PRKCD: variants seen among roughly 807,000 people sequenced by gnomAD.
The protein encoded by PRKCD is protein kinase C delta type.
PRKCD carries 20 observed loss-of-function variants against 82.2 expected under a neutral mutation model. The observed-to-expected ratio is 0.24, with a 90% CI of 0.17 to 0.35. The LOEUF is 0.35. PRKCD is among the 10% of genes least tolerant of loss of function. The probability of loss-of-function intolerance (pLI) is 1.00; values close to 1 mark genes in which losing one functional copy is unlikely to be tolerated. For missense variants in PRKCD, 607 were observed against 899.0 expected (o/e 0.68, Z 4.15); for synonymous variants, 317 against 337.0 (o/e 0.94, Z 0.65).
At chr3:53,171,070 G>A (rs782751262) in intron 2 of PRKCD, among the ~76,000 whole-genome samples, 32 of 152,250 alleles carry the variant, frequency 2.1e-4, no homozygotes, top group Admixed American at 1.2e-3. Flanking sequence ...TTGGGTTGGC[G>A]AGTGTGCCTG....
Position 53,192,232 on chromosome 3 carries a change from T to C in PRKCD, c.1997T>C (p.Val666Ala). The change falls in exon 19 of 19, where the codon GTG becomes GCG. Residue 666 changes from valine (V) to alanine (A), a missense_variant. This residue lies in a region of PRKCD where 251 missense variants were observed against 423.9 expected (regional missense o/e 0.59). Transcript: ENST00000330452. ...TCTGCATTCGCTGGCTTCTCCTTTGTGAACCCCAAATTCGAGCACCTCCTG... is the reference window on the plus strand; with the variant it reads ...TCTGCATTCGCTGGCTTCTCCTTTGCGAACCCCAAATTCGAGCACCTCCTG... ...DQSAFAGFSF[V>A]NPKFEHLLED is the part of the protein sequence containing the mutation. The C allele has an allele frequency of 6.2e-7, 1 of 1,614,202 alleles. No homozygotes were observed. The highest frequency in any genetic ancestry group is 2.2e-5 in the East Asian group (1 of 44,884).
Position 53,184,857 on chromosome 3 carries a change from C to A in PRKCD, c.788-17C>A. Reference sequence around the variant, plus strand: ...CTGAGCTCTGAGACTGACAGCCCCGCTTCTCCCTCACCCCAGACTGCGGCA... The same window carrying A: ...CTGAGCTCTGAGACTGACAGCCCCGATTCTCCCTCACCCCAGACTGCGGCA... On this transcript the variant is annotated splice_polypyrimidine_tract_variant and intron_variant, in intron 9 of 18. Coordinates refer to ENST00000330452, the MANE Select transcript of PRKCD (RefSeq NM_006254.4). 6.2e-7 allele frequency: 1 copy of A among 1,612,214 alleles called. No homozygotes were observed. The highest frequency in any genetic ancestry group is 1.3e-5 in the African/African-American group (1 of 75,022).
rs1553668820 is a variant in PRKCD, at chr3:53,185,636, A to G, written c.921A>G (p.Ser307=). The G allele has an allele frequency of 6.2e-7, 1 of 1,613,462 alleles. No homozygotes were observed. The highest frequency in any genetic ancestry group is 1.7e-5 in the Admixed American group (1 of 60,026). The change falls in exon 11 of 19, where the codon TCA becomes TCG. Residue 307 remains serine (S), a synonymous_variant. Transcript: ENST00000330452. ...RASRRSDSAS[S]EPVGIYQGFE... is the part of the protein sequence containing the mutation. Reference sequence around the variant, plus strand: ...CCCGGAGATCAGACTCAGCCTCCTCAGAGCCTGTTGGGATATATCAGGGTT... The same window carrying G: ...CCCGGAGATCAGACTCAGCCTCCTCGGAGCCTGTTGGGATATATCAGGGTT...
rs148077546 is a variant in PRKCD, at chr3:53,166,786, G to C, written c.-20+1571G>C. On this transcript the variant is annotated intron_variant, in intron 2 of 18. Coordinates refer to ENST00000330452, the MANE Select transcript of PRKCD (RefSeq NM_006254.4). ...TAAGGGGGGCTGGGCCACCCTGGTA[G>C]GTGGGCTCTGCCCATGCATTCAGCA... Among the ~76,000 whole-genome samples, 116 of 152,382 alleles carry C rather than the reference G, an allele frequency of 7.6e-4. No individual in the cohort carries two copies. The East Asian group carries it at 0.018, about 23-fold the overall frequency.
chr3:53,189,735 C>T, intron 17 of PRKCD, 138 bp from the exon 18 acceptor site: 1 of 1,229,278 alleles, frequency 8.1e-7, no homozygotes, highest in Non-Finnish European at 1.2e-6. Context: ...AGAGTGGCCT[C>T]CCTCAGCCCC....
chr3:53,172,466 G>T (rs997740976), intron 2 of PRKCD, among the ~76,000 whole-genome samples: 1 of 152,180 alleles, frequency 6.6e-6, no homozygotes. Context: ...CTGGGCCTTG[G>T]TCTCCTCCGC....
rs782799901 is a variant in PRKCD, at chr3:53,181,611, G to C, written c.539+5G>C. On this transcript the variant is annotated splice_donor_5th_base_variant and intron_variant, in intron 6 of 18. Coordinates refer to ENST00000330452, the MANE Select transcript of PRKCD (RefSeq NM_006254.4). ...TGTGTGCAAAGACTTTGTCTGGTGA[G>C]AACCGGCCATGCCCACTGGTGGTGG... 8 of 1,614,218 alleles carry C rather than the reference G, an allele frequency of 5.0e-6. No individual in the cohort carries two copies. The highest frequency in any genetic ancestry group is 6.8e-6 in the Non-Finnish European group (8 of 1,180,038).
chr3:53,180,787 G>A (rs1194813452), intron 4 of PRKCD, among the ~76,000 whole-genome samples: 6 of 152,170 alleles, frequency 3.9e-5, no homozygotes, highest in Non-Finnish European at 7.4e-5. Flanking sequence ...AGGAGCCCTC[G>A]GCACAGAGGG....
At chr3:53,167,746 G>C (rs544556191) in intron 2 of PRKCD, among the ~76,000 whole-genome samples, 1 of 152,260 alleles carries the variant, frequency 6.6e-6, no homozygotes. Flanking sequence ...TGATGAGGGG[G>C]TATTATTATC....
In PRKCD at chr3:53,187,486, C is replaced by T. The variant is rs111944697; in HGVS notation, c.1415+84C>T. 3.7e-4 allele frequency: 542 copies of T among 1,456,682 alleles called. 1 individual carries two copies. In the African/African-American group the frequency reaches 5.6e-3, roughly 15 times the overall value. The allele number at this position is 1,456,682 out of a possible 1,614,324, so 90.2% of individuals were successfully genotyped here. On this transcript the variant is annotated intron_variant, in intron 15 of 18. Transcript: ENST00000330452. The stretch of plus-strand genomic sequence containing the variant: ...TTCTGAAATGCTCCAAGCAGGATCC[C>T]CCCAACTCCAGTTCCTTCTCTGCTG...
intron 18 of PRKCD, 27 bp downstream of exon 18, chr3:53,190,028 T>A (rs1553670513): frequency 6.2e-7 from 1 of 1,613,324 alleles, no homozygotes; most frequent in South Asian, 1.1e-5. Flanking sequence ...TGTGCTGCCT[T>A]CAGGCTGAGC....
At chr3:53,179,539 G>A (rs576311519) in intron 3 of PRKCD, 38 bp from the exon 4 acceptor site, 124 of 1,613,276 alleles carry the variant, frequency 7.7e-5, no homozygotes, top group Middle Eastern at 1.6e-4. Flanking sequence ...GGGACAGAGG[G>A]GCCATGGCCC....
intron 15 of PRKCD, among the ~76,000 whole-genome samples, chr3:53,187,868 C>T (rs1703766783): frequency 6.6e-6 from 1 of 152,048 alleles, no homozygotes; most frequent in African/African-American, 2.4e-5. Context: ...AAGTGTATAT[C>T]GAATATTAGC....
chr3:53,186,354 C>CTGCCGTCACCACCCCA lies in PRKCD; in HGVS notation c.1260+19_1260+34dup, dbSNP rs782709925. ...TTCCAGACCAAGGTGCCCGGGCCTC[C>CTGCCGTCACCACCCCA]TGCCGTCACCACCCCATGCCACAGC... On this transcript the variant is annotated intron_variant, in intron 13 of 18. Coordinates refer to ENST00000330452, the MANE Select transcript of PRKCD (RefSeq NM_006254.4). The CTGCCGTCACCACCCCA allele has an allele frequency of 6.2e-6, 10 of 1,613,624 alleles. No individual in the cohort carries two copies. The highest frequency in any genetic ancestry group is 1.3e-5 in the African/African-American group (1 of 74,906).
At chr3:53,178,746 G>A (rs188059704) in intron 3 of PRKCD, among the ~76,000 whole-genome samples, 213 of 152,368 alleles carry the variant, frequency 1.4e-3, no homozygotes, top group Middle Eastern at 3.4e-3. Context: ...TCCTTGGAAG[G>A]CTTGGAGTTT....
intron 1 of PRKCD, 131 bp from the exon 2 acceptor site, chr3:53,164,973 A>T (rs1287902532): frequency 6.6e-6 from 1 of 152,210 alleles, no homozygotes; most frequent in Non-Finnish European, 1.5e-5. Flanking sequence ...GGAAAGCCAC[A>T]TCCAGAGAGA....
intron 18 of PRKCD, 104 bp from the exon 19 acceptor site, chr3:53,192,004 G>A: frequency 8.2e-7 from 1 of 1,222,276 alleles, no homozygotes; most frequent in Non-Finnish European, 1.2e-6. Flanking sequence ...TGTTCTGGGT[G>A]AGGACAGCTC....
intron 16 of PRKCD, 53 bp from the exon 17 acceptor site, chr3:53,189,005 T>G: frequency 6.3e-7 from 1 of 1,578,580 alleles, no homozygotes; most frequent in Non-Finnish European, 8.6e-7. Flanking sequence ...CAGGGGCCCC[T>G]CTCAGCCTCA....
At chr3:53,189,293 AG>A (rs1553670279) in intron 17 of PRKCD, 47 bp downstream of exon 17, 4 of 1,526,064 alleles carry the variant, frequency 2.6e-6, no homozygotes, top group South Asian at 2.5e-5. Context: ...GGGCTGGGGC[AG>A]GGGCTGGCAG....
Sources: allele counts gnomAD v4.1 joint callset (sites outside exome capture counted in the v4.1 genomes callset), GRCh38; gene constraint gnomAD v4.1.1; regional missense constraint gnomAD v4.1.1; transcripts MANE v1.5; gene names NCBI Gene and HGNC (gene_info 2026-07-23, HGNC 2026-07-21).